STXBP5L: variants seen among roughly 807,000 people sequenced by gnomAD.
The protein encoded by STXBP5L is syntaxin binding protein 5L, also known as syntaxin-binding protein 5-like.
A neutral mutation model predicts 144.5 loss-of-function variants in STXBP5L; 65 were observed. The ratio of observed to expected loss-of-function variants is 0.45; its 90% confidence interval spans 0.37 to 0.55. STXBP5L has a LOEUF of 0.55. STXBP5L is among the 20% of genes least tolerant of loss of function. The pLI, the probability that STXBP5L is intolerant of heterozygous loss-of-function variation, is 0.00. For missense variants in STXBP5L, 1,298 were observed against 1,405.5 expected (o/e 0.92, Z 1.22); for synonymous variants, 505 against 469.6 (o/e 1.08, Z -0.97).
At chr3:120,976,842 T>A (rs1052811197) in intron 3 of STXBP5L, among the ~76,000 whole-genome samples, 5 of 152,156 alleles carry the variant, frequency 3.3e-5, no homozygotes, top group East Asian at 3.9e-4. Flanking sequence ...AGTTTCCATG[T>A]AGTTGAGCGG....
chr3:121,176,381 T>A (rs2046932687), intron 9 of STXBP5L, among the ~76,000 whole-genome samples: 1 of 150,930 alleles, frequency 6.6e-6, no homozygotes, highest in Non-Finnish European at 1.5e-5. Context: ...AAATAAGGAT[T>A]GTAGCAACTG....
At chr3:120,926,255 G>A (rs137999448) in intron 2 of STXBP5L, among the ~76,000 whole-genome samples, 2 of 151,904 alleles carry the variant, frequency 1.3e-5, no homozygotes, top group Admixed American at 1.3e-4. Flanking sequence ...GGGTCTGGTG[G>A]TGTTGAATTC....
chr3:121,192,010 G>A (rs1007437721), intron 9 of STXBP5L, among the ~76,000 whole-genome samples: 6 of 152,068 alleles, frequency 3.9e-5, no homozygotes, highest in South Asian at 4.1e-4. Flanking sequence ...ATGAGTTAAC[G>A]AGTGCAGCAC....
intron 3 of STXBP5L, among the ~76,000 whole-genome samples, chr3:121,028,208 A>G (rs1178928695): frequency 6.6e-6 from 1 of 152,082 alleles, no homozygotes; most frequent in East Asian, 1.9e-4. Flanking sequence ...ATTTTCATTA[A>G]GTTTAGAAGT....
chr3:121,068,800 T>C (rs2041669743), intron 5 of STXBP5L, among the ~76,000 whole-genome samples: 1 of 152,202 alleles, frequency 6.6e-6, no homozygotes, highest in Non-Finnish European at 1.5e-5. Context: ...TCTACTTGCA[T>C]TCTTTTTCTT....
chr3:121,122,721 C>T (rs2044523006), intron 7 of STXBP5L, among the ~76,000 whole-genome samples: 1 of 151,402 alleles, frequency 6.6e-6, no homozygotes, highest in Admixed American at 6.6e-5. Flanking sequence ...GTTTAATAAA[C>T]ATTAAAATTA....
chr3:120,960,850 G>T (rs1434364843), intron 3 of STXBP5L, among the ~76,000 whole-genome samples: 1 of 148,978 alleles, frequency 6.7e-6, no homozygotes, highest in Non-Finnish European at 1.5e-5. Flanking sequence ...CATGGCACAT[G>T]TATACATATG....
chr3:121,304,277 A>G (rs951658593), intron 19 of STXBP5L, among the ~76,000 whole-genome samples: 2 of 152,198 alleles, frequency 1.3e-5, no homozygotes, highest in South Asian at 4.1e-4. Flanking sequence ...CAATTCTACC[A>G]TCATTGCTGG....
At chr3:120,918,413 C>T (rs1265414272) in intron 2 of STXBP5L, among the ~76,000 whole-genome samples, 3 of 152,160 alleles carry the variant, frequency 2.0e-5, no homozygotes, top group Non-Finnish European at 4.4e-5. Flanking sequence ...AAACTTTAAA[C>T]ACACAAGAAC....
At chr3:121,291,592 A>G (rs1479524649) in intron 19 of STXBP5L, among the ~76,000 whole-genome samples, 3 of 152,236 alleles carry the variant, frequency 2.0e-5, no homozygotes, top group African/African-American at 4.8e-5. Context: ...AAAAGCCCAC[A>G]TTGTCAAAGC....
intron 20 of STXBP5L, among the ~76,000 whole-genome samples, chr3:121,342,473 AT>A (rs2044752199): frequency 6.6e-6 from 1 of 150,820 alleles, no homozygotes; most frequent in Non-Finnish European, 1.5e-5. Context: ...CATTAGGTAT[AT>A]CTCCCACAGC....
At chr3:121,027,742 C>T (rs1946057077) in intron 3 of STXBP5L, among the ~76,000 whole-genome samples, 1 of 152,064 alleles carries the variant, frequency 6.6e-6, no homozygotes, top group African/African-American at 2.4e-5. Flanking sequence ...AAACAGTGAC[C>T]TTCATTCCAT....
At chr3:121,153,951 A>C (rs1323845259) in intron 8 of STXBP5L, among the ~76,000 whole-genome samples, 1 of 151,890 alleles carries the variant, frequency 6.6e-6, no homozygotes, top group Non-Finnish European at 1.5e-5. Flanking sequence ...CAACACTAGC[A>C]GCTAAATAAG....
At chr3:121,052,516 G>T (rs1418909508) in intron 5 of STXBP5L, among the ~76,000 whole-genome samples, 2 of 152,146 alleles carry the variant, frequency 1.3e-5, no homozygotes, top group Non-Finnish European at 2.9e-5. Context: ...CTCAATAGAT[G>T]CATAAAAGGC....
chr3:121,339,595 A>G (rs2044632471), intron 20 of STXBP5L, among the ~76,000 whole-genome samples: 1 of 152,054 alleles, frequency 6.6e-6, no homozygotes, highest in East Asian at 1.9e-4. Context: ...AGGAATTCCA[A>G]ATCAGAAAAG....
At chr3:121,155,581 G>A (rs1176044654) in intron 8 of STXBP5L, among the ~76,000 whole-genome samples, 1 of 151,514 alleles carries the variant, frequency 6.6e-6, no homozygotes, top group African/African-American at 2.4e-5. Flanking sequence ...AATTCTTTTT[G>A]GATTAGTTGT....
intron 25 of STXBP5L, 55 bp from the exon 26 acceptor site, chr3:121,418,282 T>C: frequency 6.5e-7 from 1 of 1,537,774 alleles, no homozygotes; most frequent in Non-Finnish European, 8.8e-7. Flanking sequence ...GTGACAAGCT[T>C]GACTGTTTGA....
intron 22 of STXBP5L, among the ~76,000 whole-genome samples, chr3:121,387,643 A>G (rs1576335158): frequency 1.3e-5 from 2 of 152,268 alleles, no homozygotes; most frequent in East Asian, 3.9e-4. Flanking sequence ...TTTTCCCAGA[A>G]CCATTTATTA....
At position 120,928,010 on chromosome 3, in the gene STXBP5L, A is replaced by G. The variant is rs565053825; in HGVS notation, c.189+18243A>G. Among the ~76,000 whole-genome samples, 6 of 152,290 alleles carry G rather than the reference A, an allele frequency of 3.9e-5. 1 individual carries two copies. In the South Asian group the frequency reaches 1.0e-3, roughly 26 times the overall value. ...AATATTGAGAGAATAGGGTGCTAAG[A>G]GCTGAACATTTGGGAGTTGACAATT... On this transcript the variant is annotated intron_variant, in intron 2 of 26. Transcript: ENST00000471454.
Sources: gnomAD v4.1 joint callset for allele counts (sites outside exome capture counted in the v4.1 genomes callset) on GRCh38, gnomAD v4.1.1 for gene constraint, MANE v1.5 for transcripts, NCBI Gene and HGNC (gene_info 2026-07-23, HGNC 2026-07-21) for gene names.